The following RPS6KA2 variants were observed in gnomAD, a reference collection of about 807,000 sequenced individuals.
The protein encoded by RPS6KA2 is ribosomal protein S6 kinase alpha-2.
RPS6KA2 carries 42 observed loss-of-function variants against 91.8 expected under a neutral mutation model. That is an observed-to-expected ratio of 0.46 (90% CI 0.36 to 0.59). The LOEUF (loss-of-function observed/expected upper bound fraction) is 0.59, where lower values mean the gene tolerates loss of function less well. Ranked by LOEUF, RPS6KA2 falls within the 20% of genes least tolerant of loss-of-function variation. The pLI is 0.00. For synonymous variants in RPS6KA2, 414 were observed against 393.6 expected, an observed-to-expected ratio of 1.05 and a Z score of -0.61; for missense variants, 798 against 978.5, an observed-to-expected ratio of 0.82 and a Z score of 2.46.
rs1783558233 is a variant in RPS6KA2, at chr6:166,538,673, C to T, written c.211G>A (p.Gly71Arg). The T allele has an allele frequency of 1.3e-6, 2 of 1,580,572 alleles. No homozygotes were observed. Among genetic ancestry groups the T allele is most frequent in the Non-Finnish European group, 1.7e-6 (2 of 1,149,620 alleles). The change falls in exon 2 of 21, where the codon GGA becomes AGA. Residue 71 changes from glycine to arginine, a missense_variant. By Grantham distance (125) the Gly-to-Arg change is moderately radical. Transcript: ENST00000265678. The stretch of plus-strand genomic sequence containing the variant: ...ACAGCCAGGGCTGAACTTACCTTTC[C>T]ATAGGATCCTTGTCCTAAAACCTTC... ...LLKVLGQGSY[G>R]KVFLVRKVKG...
intron 2 of RPS6KA2, among the ~76,000 whole-genome samples, chr6:166,682,724 A>G (rs1253975446): frequency 6.6e-6 from 1 of 152,212 alleles, no homozygotes; most frequent in Non-Finnish European, 1.5e-5. Context: ...TTCATCGGAA[A>G]CCATGAAATG....
intron 2 of RPS6KA2, among the ~76,000 whole-genome samples, chr6:166,692,015 T>A (rs1188035959): frequency 1.3e-5 from 2 of 152,106 alleles, no homozygotes; most frequent in Admixed American, 6.5e-5. Context: ...CCTCCCTCCC[T>A]CTGGAGTTAG....
chr6:166,826,563 A>G (rs1270148013), intron 2 of RPS6KA2, among the ~76,000 whole-genome samples: 5 of 152,206 alleles, frequency 3.3e-5, no homozygotes, highest in African/African-American at 1.2e-4. Flanking sequence ...TAGTTGGGTA[A>G]ATCACTGTTA....
At chr6:166,646,571 G>A (rs981998748) in intron 2 of RPS6KA2, among the ~76,000 whole-genome samples, 1 of 152,240 alleles carries the variant, frequency 6.6e-6, no homozygotes, top group Non-Finnish European at 1.5e-5. Context: ...GCATGCCTTG[G>A]CTGGGGCCCC....
chr6:166,542,176 C>A (rs1783680780), intron 1 of RPS6KA2: 1 of 152,328 alleles, frequency 6.6e-6, no homozygotes, highest in Non-Finnish European at 1.5e-5. Context: ...GAAGCCCCAG[C>A]ACCATACTCC....
rs186899399 is a variant in RPS6KA2 at position 166,681,027 on chromosome 6, A to G, written c.124-142243T>C. Among the ~76,000 whole-genome samples, 11 of 152,282 alleles carry G rather than the reference A, an allele frequency of 7.2e-5. No individual in the cohort carries two copies. The East Asian group carries it at 1.2e-3, about 16-fold the overall frequency. ...TTAACAGCAGCCGCTTGTCTCTCCCATATCTTCTCACCCCTTCTGCTCTGA... is the reference window on the plus strand; with the variant it reads ...TTAACAGCAGCCGCTTGTCTCTCCCGTATCTTCTCACCCCTTCTGCTCTGA... On this transcript the variant is annotated intron_variant, in intron 2 of 21. Transcript: ENST00000503859.
intron 2 of RPS6KA2, among the ~76,000 whole-genome samples, chr6:166,823,231 C>T (rs1016671476): frequency 3.3e-5 from 5 of 152,078 alleles, no homozygotes; most frequent in African/African-American, 1.2e-4. Flanking sequence ...TTTAACAAGG[C>T]AAGAAATATG....
chr6:166,651,438 A>G (rs1787852461), intron 2 of RPS6KA2, among the ~76,000 whole-genome samples: 1 of 152,162 alleles, frequency 6.6e-6, no homozygotes, highest in South Asian at 2.1e-4. Flanking sequence ...TTTTCTATGT[A>G]TTTCTAAACT....
intron 2 of RPS6KA2, among the ~76,000 whole-genome samples, chr6:166,787,986 A>AAC (rs1397913226): frequency 6.6e-6 from 1 of 151,734 alleles, no homozygotes; most frequent in Non-Finnish European, 1.5e-5. Context: ...AAAAAAAAAA[A>AAC]AAAAAAACCA....
At chr6:166,523,054 G>C (rs149261331) in intron 3 of RPS6KA2, among the ~76,000 whole-genome samples, 1 of 152,146 alleles carries the variant, frequency 6.6e-6, no homozygotes, top group Non-Finnish European at 1.5e-5. Flanking sequence ...AAGATGACAA[G>C]TAATGAAAAA....
chr6:166,498,577 C>G lies in RPS6KA2; in HGVS notation c.678G>C (p.Met226Ile), dbSNP rs1337171535. 6.2e-7 allele frequency: 1 copy of G among 1,613,792 alleles called. No individual in the cohort carries two copies. The highest frequency in any genetic ancestry group is 8.5e-7 in the Non-Finnish European group (1 of 1,179,994). The change falls in exon 8 of 21, where the codon ATG becomes ATC. Residue 226 changes from methionine to isoleucine, a missense_variant. Met to Ile is a conservative substitution (Grantham distance 10). Coordinates refer to ENST00000265678, the MANE Select transcript of RPS6KA2 (RefSeq NM_021135.6). The stretch of plus-strand genomic sequence containing the variant: ...CTCGCCGGTTCACCACCTCGGGCGC[C>G]ATGTACTCGATCGTCCCGCAGAAGG... ...AYSFCGTIEY[M>I]APEVVNRRGH...
intron 9 of RPS6KA2, among the ~76,000 whole-genome samples, chr6:166,489,417 AGAGGAGGACCTGCAAACCCCGG>A (rs1210746509): frequency 6.6e-6 from 1 of 152,198 alleles, no homozygotes; most frequent in Non-Finnish European, 1.5e-5. Context: ...AAAACCTGCG[AGAGGAGGACCTGCAAACCCCGG>A]GAGGGTCTCA....
intron 2 of RPS6KA2, among the ~76,000 whole-genome samples, chr6:166,723,884 G>C (rs1790260639): frequency 6.6e-6 from 1 of 152,002 alleles, no homozygotes; most frequent in African/African-American, 2.4e-5. Flanking sequence ...ATTTTTAGTA[G>C]AGATGGGGTT....
intron 2 of RPS6KA2, among the ~76,000 whole-genome samples, chr6:166,833,030 T>G (rs1268102426): frequency 6.6e-6 from 1 of 152,234 alleles, no homozygotes; most frequent in Non-Finnish European, 1.5e-5. Flanking sequence ...TCTTTCATAA[T>G]ACAAATAATC....
At position 166,459,438 on chromosome 6, in the gene RPS6KA2, G is replaced by A; in HGVS notation, c.1075+11C>T. The A allele has an allele frequency of 2.5e-6, 4 of 1,600,628 alleles. No homozygotes were observed. The highest frequency in any genetic ancestry group is 3.4e-6 in the Non-Finnish European group (4 of 1,168,166). On this transcript the variant is annotated intron_variant, in intron 12 of 20. Transcript: ENST00000265678. The surrounding 1 kb of genome is among the most constrained non-coding windows in gnomAD (Gnocchi z 4.9). The stretch of plus-strand genomic sequence containing the variant: ...GAAGCCACCGATAGAGGGAACCACT[G>A]TGGCACACACCTGTGGGCGTCCGCG...
intron 3 of RPS6KA2, among the ~76,000 whole-genome samples, chr6:166,520,356 G>T (rs1782815446): frequency 1.3e-5 from 2 of 152,166 alleles, no homozygotes; most frequent in South Asian, 4.1e-4. Flanking sequence ...AATTCGGACT[G>T]GAACTTATGC....
At chr6:166,642,386 TG>T (rs1272469614) in intron 2 of RPS6KA2, among the ~76,000 whole-genome samples, 6 of 152,218 alleles carry the variant, frequency 3.9e-5, no homozygotes, top group Non-Finnish European at 7.3e-5. Flanking sequence ...AGTGAAATTG[TG>T]TGGGTAAAGC....
chr6:166,819,486 G>A (rs1208286995), intron 2 of RPS6KA2, among the ~76,000 whole-genome samples: 1 of 152,182 alleles, frequency 6.6e-6, no homozygotes, highest in Non-Finnish European at 1.5e-5. Flanking sequence ...CAGAAAGTCA[G>A]CCCTATAGGT....
intron 2 of RPS6KA2, among the ~76,000 whole-genome samples, chr6:166,676,037 C>T (rs1014890194): frequency 3.9e-5 from 6 of 151,910 alleles, no homozygotes; most frequent in South Asian, 4.2e-4. Context: ...CCTGGGAGGC[C>T]GGGTGCGGTG....
Sources: allele counts gnomAD v4.1 joint callset (sites outside exome capture counted in the v4.1 genomes callset), GRCh38; gene constraint gnomAD v4.1.1; non-coding constraint Gnocchi (gnomAD v3.1); transcripts MANE v1.5; gene names NCBI Gene and HGNC (gene_info 2026-07-23, HGNC 2026-07-21).